Variants in TEAD1 observed in about 807,000 individuals in gnomAD.
The protein encoded by TEAD1 is transcriptional enhancer factor TEF-1.
Under a neutral mutation model 54.9 loss-of-function variants are expected in TEAD1, and 9 were observed. The observed-to-expected ratio is 0.16, with a 90% confidence interval of 0.10 to 0.29. The LOEUF is 0.29. TEAD1 is among the 10% of genes least tolerant of loss of function. The pLI, the probability that TEAD1 is intolerant of heterozygous loss-of-function variation, is 1.00. For synonymous variants in TEAD1, 200 were observed against 187.8 expected (o/e 1.07, Z -0.53); for missense variants, 387 against 535.9 (o/e 0.72, Z 2.74).
rs539125326 is a variant in TEAD1, at chr11:12,900,062, T to C, written c.700-1878T>C. On this transcript the variant is annotated intron_variant, in intron 9 of 12. Coordinates refer to ENST00000527636, the MANE Select transcript of TEAD1 (RefSeq NM_021961.6). ...TTATATGTTTAAAAATGTTTCTTTATGGAAGTGCCTTTTTAAGAGACAAGG... is the reference window on the plus strand; with the variant it reads ...TTATATGTTTAAAAATGTTTCTTTACGGAAGTGCCTTTTTAAGAGACAAGG... 3.9e-5 allele frequency among the ~76,000 whole-genome samples: 6 copies of C among 152,340 alleles called. No individual in the cohort carries two copies. The South Asian group carries it at 1.2e-3, about 32-fold the overall frequency.
At chr11:12,707,856 C>T (rs192752187) in intron 2 of TEAD1, among the ~76,000 whole-genome samples, 14 of 152,302 alleles carry the variant, frequency 9.2e-5, no homozygotes, top group Non-Finnish European at 1.3e-4. Flanking sequence ...GTTAGAAATA[C>T]TAAAAATTAA....
chr11:12,871,736 T>G (rs927573440), intron 5 of TEAD1, among the ~76,000 whole-genome samples: 2 of 152,212 alleles, frequency 1.3e-5, no homozygotes, highest in African/African-American at 4.8e-5. Context: ...AAGCCACCTC[T>G]GGTTCACTTC....
chr11:12,904,735 CAGTTTT>C, intron 10 of TEAD1: 1 of 178,432 alleles, frequency 5.6e-6, no homozygotes, highest in Non-Finnish European at 1.2e-5. Context: ...AAAATTTGCT[CAGTTTT>C]AATTTCCAGT....
At chr11:12,677,147 GT>G (rs994134142) in intron 2 of TEAD1, among the ~76,000 whole-genome samples, 4 of 152,064 alleles carry the variant, frequency 2.6e-5, no homozygotes, top group African/African-American at 9.7e-5. Flanking sequence ...TTATTGGAGG[GT>G]TGGAGGGTTT....
chr11:12,859,392 G>A (rs539950738), intron 3 of TEAD1, among the ~76,000 whole-genome samples: 4 of 152,304 alleles, frequency 2.6e-5, no homozygotes, highest in Non-Finnish European at 1.5e-5. Context: ...CGCCTTGGCC[G>A]CTCAAATAGC....
rs1028606632 is a variant in TEAD1, at chr11:12,778,129, A to G, written c.202+13695A>G. On this transcript the variant is annotated intron_variant, in intron 3 of 12. Coordinates refer to ENST00000527636, the MANE Select transcript of TEAD1 (RefSeq NM_021961.6). ...TAGCTACTATTATCTTACATTACAG[A>G]TGAGGAAACCATGGCCTAGAGAGGT... Among the ~76,000 whole-genome samples the G allele has an allele frequency of 9.8e-5, 15 of 152,330 alleles. 1 individual carries two copies. Among genetic ancestry groups the G allele is most frequent in the Non-Finnish European group, 1.8e-4 (12 of 68,030 alleles).
intron 5 of TEAD1, chr11:12,865,222 A>G (rs1183679527): frequency 2.7e-6 from 1 of 364,124 alleles, no homozygotes; most frequent in Non-Finnish European, 5.2e-6. Context: ...TAACCTTCAG[A>G]TGTCCACCAA....
At chr11:12,742,372 G>A (rs1944665531) in intron 2 of TEAD1, among the ~76,000 whole-genome samples, 1 of 152,140 alleles carries the variant, frequency 6.6e-6, no homozygotes, top group Non-Finnish European at 1.5e-5. Flanking sequence ...GTAAAGTTCT[G>A]GACTCTAAAG....
chr11:12,781,293 A>G (rs1330023529), intron 3 of TEAD1, among the ~76,000 whole-genome samples: 2 of 152,244 alleles, frequency 1.3e-5, no homozygotes, highest in African/African-American at 4.8e-5. Context: ...TGTGACAACA[A>G]AAGTATAAGT....
chr11:12,772,090 A>G (rs528884203), intron 3 of TEAD1, among the ~76,000 whole-genome samples: 1 of 152,314 alleles, frequency 6.6e-6, no homozygotes, highest in African/African-American at 2.4e-5. Flanking sequence ...GTGATAAACA[A>G]GTGAGCAGAG....
At chr11:12,912,039 T>C (rs952721862) in intron 10 of TEAD1, among the ~76,000 whole-genome samples, 1 of 152,194 alleles carries the variant, frequency 6.6e-6, no homozygotes, top group Admixed American at 6.5e-5. Flanking sequence ...TTGGGCACTC[T>C]GCCACATTGC....
At chr11:12,740,536 C>G (rs1944629627) in intron 2 of TEAD1, among the ~76,000 whole-genome samples, 1 of 152,142 alleles carries the variant, frequency 6.6e-6, no homozygotes, top group Non-Finnish European at 1.5e-5. Flanking sequence ...AGAGGTTTGT[C>G]TCACAGTTCT....
chr11:12,738,594 C>A (rs1195737708), intron 2 of TEAD1, among the ~76,000 whole-genome samples: 1 of 151,318 alleles, frequency 6.6e-6, no homozygotes, highest in Non-Finnish European at 1.5e-5. Context: ...ACCTTGTCCA[C>A]ATATAGGATC....
At chr11:12,889,472 C>A (rs1042831655) in intron 9 of TEAD1, among the ~76,000 whole-genome samples, 1 of 152,170 alleles carries the variant, frequency 6.6e-6, no homozygotes, top group Non-Finnish European at 1.5e-5. Flanking sequence ...TGTCTCATGC[C>A]TGTTGTGGTC....
intron 3 of TEAD1, among the ~76,000 whole-genome samples, chr11:12,803,106 T>C (rs1412695555): frequency 2.0e-5 from 3 of 151,994 alleles, no homozygotes; most frequent in African/African-American, 7.2e-5. Flanking sequence ...ACCTGTATTT[T>C]TTTTTTTTGT....
chr11:12,749,751 G>C (rs73423612), intron 2 of TEAD1, among the ~76,000 whole-genome samples: 1 of 152,198 alleles, frequency 6.6e-6, no homozygotes, highest in African/African-American at 2.4e-5. Context: ...GCCCACAGCA[G>C]GTGCTCCAGT....
At chr11:12,830,287 T>A (rs1327536786) in intron 3 of TEAD1, among the ~76,000 whole-genome samples, 1 of 152,042 alleles carries the variant, frequency 6.6e-6, no homozygotes, top group Non-Finnish European at 1.5e-5. Flanking sequence ...CCACAAAGGC[T>A]GGCAGTGGGG....
intron 10 of TEAD1, among the ~76,000 whole-genome samples, chr11:12,918,391 G>C (rs1389966329): frequency 6.6e-6 from 1 of 151,234 alleles, no homozygotes; most frequent in Non-Finnish European, 1.5e-5. Flanking sequence ...CTTCCTCCTA[G>C]AAAATTCCTG....
At chr11:12,883,974 A>G (rs903124595) in intron 9 of TEAD1, among the ~76,000 whole-genome samples, 6 of 149,058 alleles carry the variant, frequency 4.0e-5, no homozygotes, top group African/African-American at 1.5e-4. Flanking sequence ...CAGCCTGGCG[A>G]CAGAGCGAGA....
Sources: allele counts gnomAD v4.1 joint callset (sites outside exome capture counted in the v4.1 genomes callset), GRCh38; gene constraint gnomAD v4.1.1; transcripts MANE v1.5; gene names NCBI Gene and HGNC (gene_info 2026-07-23, HGNC 2026-07-21).